Variants in TEX101 observed in about 807,000 individuals in gnomAD.
TEX101 encodes testis-expressed protein 101.
Under a neutral mutation model 18.1 loss-of-function variants are expected in TEX101, and 10 were observed. The ratio of observed to expected loss-of-function variants is 0.55; its 90% CI spans 0.34 to 0.94. TEX101 has a LOEUF of 0.94. Among genes scored for constraint, TEX101 ranks in the 40% least tolerant of loss-of-function variants. The pLI, the probability that TEX101 is intolerant of heterozygous loss-of-function variation, is 0.02. For missense variants in TEX101, 259 were observed against 298.9 expected (o/e 0.87, Z 0.98); for synonymous variants, 94 against 114.8 (o/e 0.82, Z 1.16).
the TEX101 span, among the ~76,000 whole-genome samples, chr19:43,396,484 T>G: frequency 6.6e-6 from 1 of 152,224 alleles, no homozygotes; most frequent in Non-Finnish European, 1.5e-5. Flanking sequence ...AATAGGCGCT[T>G]AATCACAAGC....
At chr19:43,391,212 A>G in the TEX101 span, among the ~76,000 whole-genome samples, 11 of 152,216 alleles carry the variant, frequency 7.2e-5, no homozygotes, top group African/African-American at 9.6e-5. Flanking sequence ...GAACAAAGAC[A>G]TGCAAATATC....
At chr19:43,392,331 G>C in the TEX101 span, among the ~76,000 whole-genome samples, 1 of 152,134 alleles carries the variant, frequency 6.6e-6, no homozygotes, top group Non-Finnish European at 1.5e-5. Context: ...GAGGACCCAG[G>C]CTTGTGGATT....
intron 2 of TEX101, among the ~76,000 whole-genome samples, chr19:43,404,607 C>T (rs1323129518): frequency 6.6e-6 from 1 of 151,900 alleles, no homozygotes; most frequent in Non-Finnish European, 1.5e-5. Flanking sequence ...AACATTTTGC[C>T]ACATTTGCTT....
intron 2 of TEX101, among the ~76,000 whole-genome samples, chr19:43,403,111 C>T (rs1409441310): frequency 2.6e-5 from 4 of 152,160 alleles, no homozygotes; most frequent in Admixed American, 2.6e-4. Context: ...AGCAGAATGT[C>T]TTTAATATCC....
intron 1 of TEX101, 122 bp from the exon 2 acceptor site, chr19:43,415,759 C>CAAA (rs745993085): frequency 4.1e-5 from 29 of 703,622 alleles, no homozygotes; most frequent in Non-Finnish European, 4.3e-5. Flanking sequence ...GACTCCGTCT[C>CAAA]AAAAAAAAAA....
chr19:43,407,856 G>A (rs1011036550), intron 3 of TEX101, among the ~76,000 whole-genome samples: 6 of 152,252 alleles, frequency 3.9e-5, no homozygotes, highest in Non-Finnish European at 7.3e-5. Context: ...GCAGTGGGAA[G>A]GGTGGCCGGC....
upstream of TEX101, chr19:43,414,743 C>A (rs998216467): frequency 3.1e-5 from 23 of 746,006 alleles, no homozygotes; most frequent in African/African-American, 4.2e-4. Context: ...GCATGCGCAC[C>A]CTCCGAGATT....
the TEX101 span, among the ~76,000 whole-genome samples, chr19:43,393,654 C>T: frequency 7.2e-5 from 11 of 152,168 alleles, no homozygotes; most frequent in Non-Finnish European, 1.0e-4. Flanking sequence ...TACAGATCAG[C>T]ATTAATTGAG....
the TEX101 span, among the ~76,000 whole-genome samples, chr19:43,391,520 T>A: frequency 6.6e-5 from 10 of 151,350 alleles, no homozygotes; most frequent in Admixed American, 1.3e-4. Context: ...GAGCATCTTT[T>A]CATGTGCTTA....
In TEX101 at chr19:43,416,000, T is replaced by C. The variant is rs765123043; in HGVS notation, c.64+17T>C. ...TCCTGACCTGTGCGTATGGGGGACATAGGGGAGAGCCGTGTGTCACAGAAG... is the reference window on the plus strand; with the variant it reads ...TCCTGACCTGTGCGTATGGGGGACACAGGGGAGAGCCGTGTGTCACAGAAG... On this transcript the variant is annotated intron_variant, in intron 2 of 5. Transcript: ENST00000598265. 11 of 1,613,398 alleles carry C rather than the reference T, an allele frequency of 6.8e-6. No homozygotes were observed. The highest frequency in any genetic ancestry group is 1.1e-5 in the South Asian group (1 of 91,012).
the TEX101 span, among the ~76,000 whole-genome samples, chr19:43,389,655 C>T: frequency 4.6e-5 from 7 of 152,038 alleles, no homozygotes; most frequent in South Asian, 2.1e-4. Context: ...GTGAGCTGGG[C>T]GGTTTTCTCT....
upstream of TEX101, among the ~76,000 whole-genome samples, chr19:43,397,267 T>G (rs1272972459): frequency 6.6e-6 from 1 of 152,048 alleles, no homozygotes; most frequent in Non-Finnish European, 1.5e-5. Context: ...TCTAGAAAGG[T>G]CACTCACATG....
intron 4 of TEX101, among the ~76,000 whole-genome samples, chr19:43,417,030 C>CAAAAAAAA (rs746528568): frequency 1.4e-5 from 1 of 70,536 alleles, no homozygotes. Context: ...AAGACTCCAT[C>CAAAAAAAA]AAAAAAAAAA....
At chr19:43,388,968 G>C in the TEX101 span, among the ~76,000 whole-genome samples, 1 of 152,074 alleles carries the variant, frequency 6.6e-6, no homozygotes, top group East Asian at 1.9e-4. Flanking sequence ...GGTTCCTCCC[G>C]GGCCCTGCCT....
At chr19:43,406,310 A>G in exon 3 of TEX101, 1 of 551,836 alleles carries the variant, frequency 1.8e-6, no homozygotes, top group Non-Finnish European at 3.2e-6. Flanking sequence ...CCAATGCCCC[A>G]TGTAATTAGT....
chr19:43,397,397 G>A (rs2122309078), upstream of TEX101, among the ~76,000 whole-genome samples: 1 of 152,074 alleles, frequency 6.6e-6, no homozygotes, highest in South Asian at 2.1e-4. Context: ...TGATGTCTTT[G>A]CACCAATGCC....
chr19:43,409,020 G>T (rs566574710), intron 3 of TEX101, among the ~76,000 whole-genome samples: 2 of 152,152 alleles, frequency 1.3e-5, no homozygotes, highest in Non-Finnish European at 2.9e-5. Context: ...TCAATAATTA[G>T]ATTAATTGGC....
chr19:43,390,846 A>G, the TEX101 span, among the ~76,000 whole-genome samples: 11 of 151,540 alleles, frequency 7.3e-5, no homozygotes, highest in Admixed American at 5.9e-4. Flanking sequence ...GTCCATCCCC[A>G]CCCAGAACTT....
the TEX101 span, among the ~76,000 whole-genome samples, chr19:43,391,406 CTTTTTTTTTTTTTTTTTTT>C: frequency 1.0e-5 from 1 of 95,898 alleles, no homozygotes; most frequent in South Asian, 3.7e-4. Context: ...TTCTGTTTTT[CTTTTTTTTTTTTTTTTTTT>C]TTTTTGAGAA....
Sources: allele counts gnomAD v4.1 joint callset (sites outside exome capture counted in the v4.1 genomes callset), GRCh38; gene constraint gnomAD v4.1.1; transcripts MANE v1.5; gene names NCBI Gene and HGNC (gene_info 2026-07-23, HGNC 2026-07-21).